Variants in DCBLD2 observed in about 807,000 individuals in gnomAD.
DCBLD2 encodes the protein discoidin, CUB and LCCL domain-containing protein 2.
Under a neutral mutation model 86.8 loss-of-function variants are expected in DCBLD2, and 54 were observed. That is an observed-to-expected ratio of 0.62 (90% CI 0.50 to 0.78). DCBLD2 has a LOEUF of 0.78. Ranked by LOEUF, DCBLD2 falls within the 30% of genes least tolerant of loss-of-function variation. The pLI is 0.00. For missense variants in DCBLD2, 908 were observed against 954.2 expected, an observed-to-expected ratio of 0.95 and a Z score of 0.64; for synonymous variants, 354 against 341.3, an observed-to-expected ratio of 1.04 and a Z score of -0.41.
chr3:98,827,053 G>A (rs1190233383), intron 3 of DCBLD2, among the ~76,000 whole-genome samples: 1 of 152,122 alleles, frequency 6.6e-6, no homozygotes, highest in African/African-American at 2.4e-5. Flanking sequence ...TAATAACTGT[G>A]TTGTACCAGT....
chr3:98,869,941 C>T (rs528945699), intron 2 of DCBLD2, among the ~76,000 whole-genome samples: 132 of 152,282 alleles, frequency 8.7e-4, no homozygotes, highest in African/African-American at 2.8e-3. Flanking sequence ...AGGATAATGT[C>T]TTTTGTTTCC....
chr3:98,897,080 T>C (rs13319666), intron 1 of DCBLD2, among the ~76,000 whole-genome samples: 55,667 of 152,104 alleles, frequency 0.37, 11,160 homozygotes, highest in East Asian at 0.71. Context: ...TAATTTGTCA[T>C]TTTAATTCTA....
intron 12 of DCBLD2, 114 bp downstream of exon 12, chr3:98,811,080 C>A: frequency 8.0e-7 from 1 of 1,250,712 alleles, no homozygotes; most frequent in Non-Finnish European, 1.1e-6. Context: ...TTTTGCTATA[C>A]TTAAAAACTA....
chr3:98,865,514 T>C lies in DCBLD2; in HGVS notation c.434-15916A>G, dbSNP rs139442072. ...AAGGGACACAAAAATTTCAGTTACA[T>C]AGGAGTGATAAGTTAAAAAGAAACA... On this transcript the variant is annotated intron_variant, in intron 2 of 15. Coordinates refer to ENST00000326840, the MANE Select transcript of DCBLD2 (RefSeq NM_080927.4). Among the ~76,000 whole-genome samples the C allele has an allele frequency of 7.0e-3, 1,068 of 152,138 alleles. 8 individuals carry two copies. The highest frequency in any genetic ancestry group is 0.019 in the African/African-American group (797 of 41,500).
At chr3:98,826,249 G>C (rs1465731521) in intron 3 of DCBLD2, among the ~76,000 whole-genome samples, 1 of 152,126 alleles carries the variant, frequency 6.6e-6, no homozygotes, top group East Asian at 1.9e-4. Context: ...CTTCAACACA[G>C]CCTACAGAGT....
intron 2 of DCBLD2, among the ~76,000 whole-genome samples, chr3:98,865,284 A>AT (rs1480118055): frequency 6.6e-6 from 1 of 152,232 alleles, no homozygotes; most frequent in East Asian, 1.9e-4. Flanking sequence ...TTCAGCCTGT[A>AT]TTAAAAAAAA....
chr3:98,803,296 T>C (rs1941764256), intron 13 of DCBLD2, among the ~76,000 whole-genome samples: 1 of 152,194 alleles, frequency 6.6e-6, no homozygotes, highest in South Asian at 2.1e-4. Flanking sequence ...AGGTATTTTA[T>C]TCTCTTTGAA....
intron 2 of DCBLD2, among the ~76,000 whole-genome samples, chr3:98,869,894 G>A (rs1943226259): frequency 2.0e-5 from 3 of 152,206 alleles, no homozygotes; most frequent in Admixed American, 2.0e-4. Flanking sequence ...TATTTTGTAA[G>A]TGGAAATACC....
intron 1 of DCBLD2, among the ~76,000 whole-genome samples, chr3:98,884,401 C>T (rs1943524008): frequency 6.7e-6 from 1 of 150,076 alleles, no homozygotes; most frequent in African/African-American, 2.5e-5. Context: ...GTTACACAGT[C>T]CATAAAAAAA....
At chr3:98,812,230 C>A in intron 10 of DCBLD2, 102 bp downstream of exon 10, 1 of 1,439,030 alleles carries the variant, frequency 6.9e-7, no homozygotes, top group South Asian at 1.4e-5. Flanking sequence ...AGAGTTTAAC[C>A]AGAAAGACAC....
intron 4 of DCBLD2, among the ~76,000 whole-genome samples, chr3:98,824,072 G>T (rs1029467609): frequency 1.3e-5 from 2 of 152,178 alleles, no homozygotes; most frequent in African/African-American, 4.8e-5. Context: ...GCAAGTAGGT[G>T]CCAGAGAGCA....
At chr3:98,860,749 A>G (rs1303390999) in intron 2 of DCBLD2, among the ~76,000 whole-genome samples, 1 of 152,198 alleles carries the variant, frequency 6.6e-6, no homozygotes, top group Non-Finnish European at 1.5e-5. Flanking sequence ...AGGAACAACC[A>G]ATACCAGCCA....
chr3:98,840,017 T>C (rs548772169), intron 3 of DCBLD2, among the ~76,000 whole-genome samples: 3 of 152,260 alleles, frequency 2.0e-5, no homozygotes, highest in African/African-American at 7.2e-5. Context: ...GAGGCCACAG[T>C]AGACAAGTAA....
At chr3:98,810,403 GC>G (rs1214200900) in intron 12 of DCBLD2, among the ~76,000 whole-genome samples, 3 of 152,166 alleles carry the variant, frequency 2.0e-5, no homozygotes, top group Non-Finnish European at 4.4e-5. Context: ...CTGAATCCAG[GC>G]AAACTTTCAA....
chr3:98,821,728 TACA>T (rs773383834), intron 6 of DCBLD2, among the ~76,000 whole-genome samples: 4 of 152,202 alleles, frequency 2.6e-5, no homozygotes, highest in Non-Finnish European at 4.4e-5. Context: ...GCTAAAGTAG[TACA>T]ACACCACCTG....
chr3:98,845,574 C>T (rs577543212), intron 3 of DCBLD2, among the ~76,000 whole-genome samples: 2 of 152,298 alleles, frequency 1.3e-5, no homozygotes, highest in Non-Finnish European at 1.5e-5. Flanking sequence ...TTATTTGACC[C>T]GCTCTTCACA....
intron 1 of DCBLD2, among the ~76,000 whole-genome samples, chr3:98,884,210 C>T (rs1943521542): frequency 1.3e-5 from 2 of 152,064 alleles, no homozygotes; most frequent in Admixed American, 1.3e-4. Context: ...GTATCTCTCA[C>T]ACAAAGCTTA....
At position 98,801,584 on chromosome 3, in the gene DCBLD2, A is replaced by G; in HGVS notation, c.1720+16T>C. On this transcript the variant is annotated intron_variant, in intron 14 of 15. Transcript: ENST00000326840. ...TCCCTCTGATAGAAATGAGATGCAAAGACCACGTGAGTTACCTGCCCGGTC... is the reference window on the plus strand; with the variant it reads ...TCCCTCTGATAGAAATGAGATGCAAGGACCACGTGAGTTACCTGCCCGGTC... 1 of 1,603,212 alleles carries G rather than the reference A, an allele frequency of 6.2e-7. No homozygotes were observed. Among genetic ancestry groups the G allele is most frequent in the Non-Finnish European group, 8.5e-7 (1 of 1,174,022 alleles).
chr3:98,859,911 C>A (rs565908534), intron 2 of DCBLD2, among the ~76,000 whole-genome samples: 1 of 152,040 alleles, frequency 6.6e-6, no homozygotes, highest in Non-Finnish European at 1.5e-5. Context: ...AGGCTTCAGA[C>A]CATCAAACTT....
Sources: gnomAD v4.1 joint callset for allele counts (sites outside exome capture counted in the v4.1 genomes callset) on GRCh38, gnomAD v4.1.1 for gene constraint, MANE v1.5 for transcripts, NCBI Gene and HGNC (gene_info 2026-07-23, HGNC 2026-07-21) for gene names.